FAM107B: variants seen among roughly 807,000 people sequenced by gnomAD.
FAM107B encodes protein FAM107B.
Under a neutral mutation model 31.5 loss-of-function variants are expected in FAM107B, and 21 were observed. The ratio of observed to expected loss-of-function variants is 0.67; its 90% CI spans 0.47 to 0.96. FAM107B has a LOEUF of 0.96. FAM107B is among the 40% of genes least tolerant of loss of function. The pLI, the probability that FAM107B is intolerant of heterozygous loss-of-function variation, is 0.00. For missense variants in FAM107B, 452 were observed against 377.1 expected, an observed-to-expected ratio of 1.20 and a Z score of -1.64; for synonymous variants, 157 against 141.5, an observed-to-expected ratio of 1.11 and a Z score of -0.78.
intron 3 of FAM107B, chr10:14,528,174 G>GTTT (rs34584902): frequency 0.018 from 1,212 of 67,724 alleles, 40 homozygotes; most frequent in East Asian, 0.024. Context: ...TTAAGTTTTG[G>GTTT]TTTTTTTTTT....
chr10:14,744,063 C>T (rs1832677112), intron 1 of FAM107B, among the ~76,000 whole-genome samples: 1 of 152,044 alleles, frequency 6.6e-6, no homozygotes, highest in Non-Finnish European at 1.5e-5. Flanking sequence ...TGAAGAGGTC[C>T]TTCCCTTGTT....
At chr10:14,567,152 C>A (rs1460657250) in intron 2 of FAM107B, among the ~76,000 whole-genome samples, 1 of 151,730 alleles carries the variant, frequency 6.6e-6, no homozygotes, top group Non-Finnish European at 1.5e-5. Flanking sequence ...GACTCTGTCT[C>A]AAATTAAATA....
At chr10:14,548,267 G>A (rs759302986) in intron 2 of FAM107B, among the ~76,000 whole-genome samples, 3 of 152,094 alleles carry the variant, frequency 2.0e-5, no homozygotes, top group Non-Finnish European at 4.4e-5. Context: ...CGCGACAGAC[G>A]CACCCGAGGG....
chr10:14,620,001 T>C (rs1852963353), intron 2 of FAM107B, among the ~76,000 whole-genome samples: 1 of 149,642 alleles, frequency 6.7e-6, no homozygotes. Flanking sequence ...TATCTACGTC[T>C]GGACTTTCTT....
intron 2 of FAM107B, among the ~76,000 whole-genome samples, chr10:14,645,662 T>G (rs186828992): frequency 1.4e-4 from 22 of 152,276 alleles, no homozygotes; most frequent in African/African-American, 5.1e-4. Context: ...TCCTTTCTCT[T>G]TTACAAGTGG....
intron 1 of FAM107B, among the ~76,000 whole-genome samples, chr10:14,703,485 G>C (rs900256289): frequency 6.6e-6 from 1 of 151,806 alleles, no homozygotes; most frequent in Non-Finnish European, 1.5e-5. Flanking sequence ...ACAGGCGTGC[G>C]TCATCACCCC....
intron 1 of FAM107B, among the ~76,000 whole-genome samples, chr10:14,700,224 C>T (rs1441992333): frequency 6.6e-6 from 1 of 152,236 alleles, no homozygotes; most frequent in South Asian, 2.1e-4. Context: ...TGAGCCACCG[C>T]GCCAGGCCAG....
chr10:14,665,984 C>T (rs1417220745), intron 2 of FAM107B, among the ~76,000 whole-genome samples: 1 of 152,164 alleles, frequency 6.6e-6, no homozygotes, highest in Non-Finnish European at 1.5e-5. Flanking sequence ...ACCCCCACTA[C>T]AGACAGTAAG....
chr10:14,573,932 C>G (rs1851381423), intron 2 of FAM107B, among the ~76,000 whole-genome samples: 1 of 112,132 alleles, frequency 8.9e-6, no homozygotes. Context: ...AAAAAAACCA[C>G]CCTAGGGCCC....
rs12240920 is a variant in FAM107B at position 14,774,884 on chromosome 10, G to A, written c.-221C>T. 708 of 567,286 alleles carry A rather than the reference G, an allele frequency of 1.2e-3. 8 individuals carry two copies. Among genetic ancestry groups the A allele is most frequent in the African/African-American group, 0.012 (656 of 53,260 alleles). The allele number at this position is 567,286 out of a possible 1,614,324, so 35.1% of individuals were successfully genotyped here. On this transcript the variant is annotated 5_prime_UTR_variant, in exon 1 of 5. Coordinates refer to ENST00000181796, the MANE Select transcript of FAM107B (RefSeq NM_031453.4). ...AAGTGTCCATCCTGGGCAATTTCGC[G>A]CTCTTCCTTCTGTGATGCTGTCAGT...
intron 2 of FAM107B, among the ~76,000 whole-genome samples, chr10:14,666,740 G>C (rs1202542821): frequency 1.3e-5 from 2 of 152,158 alleles, no homozygotes; most frequent in Non-Finnish European, 2.9e-5. Context: ...GTAATTGATG[G>C]GGGTACAGGG....
intron 1 of FAM107B, among the ~76,000 whole-genome samples, chr10:14,725,318 A>G (rs775091118): frequency 1.3e-5 from 2 of 152,238 alleles, no homozygotes; most frequent in Non-Finnish European, 2.9e-5. Flanking sequence ...AAGGGAATGG[A>G]GAAAGAGATT....
intron 2 of FAM107B, among the ~76,000 whole-genome samples, chr10:14,552,847 C>G (rs1262131455): frequency 1.3e-5 from 2 of 152,070 alleles, no homozygotes; most frequent in Admixed American, 1.3e-4. Flanking sequence ...TATTTCACTT[C>G]GTTGTAATGC....
chr10:14,706,932 C>G (rs561014295), intron 1 of FAM107B, among the ~76,000 whole-genome samples: 1 of 152,262 alleles, frequency 6.6e-6, no homozygotes, highest in Admixed American at 6.5e-5. Context: ...CGAGACCACC[C>G]TGGCTAACAC....
chr10:14,726,660 G>T (rs1284382938), intron 1 of FAM107B, among the ~76,000 whole-genome samples: 1 of 152,168 alleles, frequency 6.6e-6, no homozygotes, highest in Non-Finnish European at 1.5e-5. Context: ...TATGTAGGAA[G>T]TATTGCCCGA....
At chr10:14,665,586 C>A (rs1588693167) in intron 2 of FAM107B, among the ~76,000 whole-genome samples, 1 of 152,226 alleles carries the variant, frequency 6.6e-6, no homozygotes, top group Non-Finnish European at 1.5e-5. Flanking sequence ...ACCATCCTCC[C>A]AGCCTTCTTC....
At chr10:14,521,601 A>G (rs1437388628) in intron 4 of FAM107B, among the ~76,000 whole-genome samples, 1 of 152,182 alleles carries the variant, frequency 6.6e-6, no homozygotes, top group African/African-American at 2.4e-5. Context: ...ATGAAAGTGA[A>G]TTTCATTAAA....
intron 2 of FAM107B, among the ~76,000 whole-genome samples, chr10:14,544,048 G>A (rs1449922632): frequency 2.6e-5 from 4 of 152,134 alleles, no homozygotes; most frequent in Non-Finnish European, 4.4e-5. Flanking sequence ...TACCCAAGCT[G>A]TATCCACCCT....
intron 2 of FAM107B, among the ~76,000 whole-genome samples, chr10:14,617,123 A>G (rs1019866331): frequency 6.6e-6 from 1 of 152,056 alleles, no homozygotes; most frequent in African/African-American, 2.4e-5. Context: ...AAAGGAAATA[A>G]AGAGGCTGGA....
Sources: allele counts gnomAD v4.1 joint callset (sites outside exome capture counted in the v4.1 genomes callset), GRCh38; gene constraint gnomAD v4.1.1; transcripts MANE v1.5; gene names NCBI Gene and HGNC (gene_info 2026-07-23, HGNC 2026-07-21).